GRIA3: variants seen among roughly 807,000 people sequenced by gnomAD.
GRIA3 encodes the protein glutamate receptor 3.
GRIA3 carries 3 observed loss-of-function variants against 63.0 expected under a neutral mutation model. That is an observed-to-expected ratio of 0.05 (90% CI 0.02 to 0.12). The LOEUF (loss-of-function observed/expected upper bound fraction) is 0.12. GRIA3 is among the 10% of genes least tolerant of loss of function. GRIA3 has a pLI of 1.00. For missense variants in GRIA3, 347 were observed against 700.9 expected, an observed-to-expected ratio of 0.50 and a Z score of 5.70; for synonymous variants, 274 against 257.9, an observed-to-expected ratio of 1.06 and a Z score of -0.60.
intron 3 of GRIA3, among the ~76,000 whole-genome samples, chrX:123,280,030 T>C (rs971538020): frequency 9.8e-5 from 11 of 112,436 alleles, no homozygotes; most frequent in African/African-American, 3.6e-4. Context: ...GGTACTCCAT[T>C]CCCAACTGTG....
At chrX:123,253,165 G>T (rs866750827) in intron 2 of GRIA3, 138 bp from the exon 3 acceptor site, 1 of 623,773 alleles carries the variant, frequency 1.6e-6, no homozygotes, top group Middle Eastern at 5.0e-4. Flanking sequence ...TTCTCCTGTT[G>T]GGTAACTGGG....
chrX:123,319,067 A>G (rs1349520889), intron 3 of GRIA3, among the ~76,000 whole-genome samples: 1 of 111,566 alleles, frequency 9.0e-6, no homozygotes, highest in Non-Finnish European at 1.9e-5. Context: ...ATTCACTATC[A>G]CAGGAATAGC....
chrX:123,205,253 C>G (rs1289364443), intron 2 of GRIA3, among the ~76,000 whole-genome samples: 1 of 112,008 alleles, frequency 8.9e-6, no homozygotes, highest in African/African-American at 3.2e-5. Context: ...TATGCCGTCT[C>G]CATTCAACTA....
chrX:123,436,517 A>C, intron 12 of GRIA3, among the ~76,000 whole-genome samples: 1 of 112,546 alleles, frequency 8.9e-6, no homozygotes. Context: ...GCTGCCCTTG[A>C]AGACCATCTA....
chrX:123,301,723 T>C (rs961110444), intron 3 of GRIA3, among the ~76,000 whole-genome samples: 1 of 111,665 alleles, frequency 9.0e-6, no homozygotes, highest in African/African-American at 3.2e-5. Flanking sequence ...AGCTCACACT[T>C]TCAACTCTTT....
intron 3 of GRIA3, among the ~76,000 whole-genome samples, chrX:123,262,864 G>C (rs1187733468): frequency 9.0e-6 from 1 of 111,192 alleles, no homozygotes; most frequent in Non-Finnish European, 1.9e-5. Flanking sequence ...ACCTTGCCTT[G>C]ATTACTAAGG....
rs553285589 is a variant in GRIA3, at chrX:123,211,024, G to A, written c.268+25034G>A. On this transcript the variant is annotated intron_variant, in intron 2 of 15. Coordinates refer to ENST00000620443, the MANE Select transcript of GRIA3 (RefSeq NM_007325.5). Reference sequence around the variant, plus strand: ...CCAAGTGAAGGCATTATGACCAACCGTGAGAGCCAGAATTCACCAATGTCA... The same window carrying A: ...CCAAGTGAAGGCATTATGACCAACCATGAGAGCCAGAATTCACCAATGTCA... Among the ~76,000 whole-genome samples, 57 of 111,530 alleles carry A rather than the reference G, an allele frequency of 5.1e-4. No individual in the cohort carries two copies. In the South Asian group the frequency reaches 0.017, roughly 33 times the overall value.
At chrX:123,446,022 C>G (rs2045701372) in intron 12 of GRIA3, among the ~76,000 whole-genome samples, 1 of 111,536 alleles carries the variant, frequency 9.0e-6, no homozygotes, top group South Asian at 3.9e-4. Flanking sequence ...AACTTACTTG[C>G]CTATGTTGAG....
intron 13 of GRIA3, among the ~76,000 whole-genome samples, chrX:123,478,763 T>C (rs1268921633): frequency 8.9e-6 from 1 of 112,356 alleles, no homozygotes; most frequent in Non-Finnish European, 1.9e-5. Context: ...GTTCCATAAA[T>C]TTTTCTGCTG....
intron 2 of GRIA3, among the ~76,000 whole-genome samples, chrX:123,208,613 A>G (rs1927957267): frequency 8.9e-6 from 1 of 112,040 alleles, no homozygotes; most frequent in East Asian, 2.8e-4. Flanking sequence ...ATATCACTAG[A>G]TAATTGCTCA....
chrX:123,356,568 A>G (rs1307966970), intron 5 of GRIA3, among the ~76,000 whole-genome samples: 2 of 112,341 alleles, frequency 1.8e-5, no homozygotes, highest in African/African-American at 6.5e-5. Flanking sequence ...TATAGATACT[A>G]TTACTTCAAA....
intron 3 of GRIA3, among the ~76,000 whole-genome samples, chrX:123,285,627 G>C (rs1238816745): frequency 2.2e-5 from 2 of 92,674 alleles, no homozygotes; most frequent in African/African-American, 4.0e-5. Flanking sequence ...CCTAGTCTCT[G>C]ATAAAACAAA....
intron 4 of GRIA3, among the ~76,000 whole-genome samples, chrX:123,350,686 C>A (rs987459983): frequency 8.0e-5 from 9 of 112,253 alleles, no homozygotes. Flanking sequence ...AAGAGGAAGT[C>A]TCCCCAGAAT....
intron 15 of GRIA3, among the ~76,000 whole-genome samples, chrX:123,484,372 A>C (rs1569443564): frequency 8.9e-6 from 1 of 112,566 alleles, no homozygotes; most frequent in Non-Finnish European, 1.9e-5. Context: ...ATTTTAGGCA[A>C]TTTTGACCTC....
intron 4 of GRIA3, among the ~76,000 whole-genome samples, chrX:123,349,559 G>A (rs1010897010): frequency 8.9e-6 from 1 of 112,587 alleles, no homozygotes; most frequent in Admixed American, 9.4e-5. Context: ...CATAAGCATT[G>A]ATGAGATTCC....
At chrX:123,457,356 GACAGTGAA>G (rs1001414018) in intron 12 of GRIA3, among the ~76,000 whole-genome samples, 4 of 111,930 alleles carry the variant, frequency 3.6e-5, no homozygotes, top group African/African-American at 9.7e-5. Context: ...GAGGGAGGCA[GACAGTGAA>G]ACAGGGAGAA....
chrX:123,185,810 T>TCTC, intron 1 of GRIA3, 22 bp from the exon 2 acceptor site: 1 of 1,205,453 alleles, frequency 8.3e-7, no homozygotes, highest in Middle Eastern at 2.3e-4. Flanking sequence ...ACAAGCCAAA[T>TCTC]CTCCGTTCCC....
rs150823812 is a variant in GRIA3, at chrX:123,404,740, T to C, written c.1326T>C (p.His442=). The C allele has an allele frequency of 5.6e-5, 67 of 1,205,151 alleles. No individual in the cohort carries two copies. The African/African-American group carries it at 1.0e-3, about 18-fold the overall frequency. Residue 442 remains histidine (H), a synonymous_variant, in exon 10 of 16, where the codon CAT becomes CAC. Coordinates refer to ENST00000620443, the MANE Select transcript of GRIA3 (RefSeq NM_007325.5). ...ESPYVMYKKN[H]EQLEGNERYE... ...CATATGTAATGTACAAGAAGAACCA[T>C]GAGCAACTGGAAGGAAATGAACGAT... is the stretch of plus-strand genomic sequence containing the variant.
intron 12 of GRIA3, among the ~76,000 whole-genome samples, chrX:123,448,277 C>A (rs1309586420): frequency 8.9e-6 from 1 of 111,854 alleles, no homozygotes; most frequent in African/African-American, 3.3e-5. Context: ...ACACAGCTTA[C>A]CTTTCTCTAG....
Sources: gnomAD v4.1 joint callset for allele counts (sites outside exome capture counted in the v4.1 genomes callset) on GRCh38, gnomAD v4.1.1 for gene constraint, MANE v1.5 for transcripts, NCBI Gene and HGNC (gene_info 2026-07-23, HGNC 2026-07-21) for gene names.